Variants in NTM observed in about 807,000 individuals in gnomAD.
NTM encodes the protein neurotrimin.
A neutral mutation model predicts 42.1 loss-of-function variants in NTM; 13 were observed. The ratio of observed to expected loss-of-function variants is 0.31; its 90% CI spans 0.20 to 0.49. The LOEUF (loss-of-function observed/expected upper bound fraction) is 0.49, where lower values mean the gene tolerates loss of function less well. NTM is among the 20% of genes least tolerant of loss of function. The pLI is 0.99. For synonymous variants in NTM, 187 were observed against 179.2 expected (o/e 1.04, Z -0.35); for missense variants, 373 against 452.8 (o/e 0.82, Z 1.60).
chr11:132,316,198 A>G (rs752513509), intron 7 of NTM, among the ~76,000 whole-genome samples: 3 of 146,754 alleles, frequency 2.0e-5, no homozygotes, highest in Non-Finnish European at 3.0e-5. Context: ...ATGATTGTAT[A>G]CTTCCCCGGC....
intron 1 of NTM, among the ~76,000 whole-genome samples, chr11:131,447,875 C>T (rs1010465082): frequency 1.3e-5 from 2 of 152,202 alleles, no homozygotes; most frequent in Non-Finnish European, 2.9e-5. Context: ...TGAGGGCTCC[C>T]GTTTGGGGCA....
At chr11:131,795,857 G>T (rs1370447067) in intron 1 of NTM, 1 of 985,084 alleles carries the variant, frequency 1.0e-6, no homozygotes, top group African/African-American at 1.7e-5. Flanking sequence ...TGCACAGGGT[G>T]CTCCTGAACC....
At chr11:132,070,747 G>C (rs976427674) in intron 2 of NTM, among the ~76,000 whole-genome samples, 23 of 143,374 alleles carry the variant, frequency 1.6e-4, no homozygotes, top group Middle Eastern at 3.8e-3. Flanking sequence ...ACGTCAAACT[G>C]ACCGTCACAG....
intron 2 of NTM, among the ~76,000 whole-genome samples, chr11:132,054,806 C>G (rs1429796660): frequency 6.6e-6 from 1 of 152,144 alleles, no homozygotes; most frequent in Admixed American, 6.5e-5. Context: ...AAAGCTAACC[C>G]AAGTATCCAT....
chr11:132,033,472 G>T (rs2076163844), intron 2 of NTM, among the ~76,000 whole-genome samples: 1 of 152,172 alleles, frequency 6.6e-6, no homozygotes, highest in Admixed American at 6.5e-5. Context: ...TTGATCCTGT[G>T]GCCACTGTAA....
intron 2 of NTM, among the ~76,000 whole-genome samples, chr11:131,962,791 C>T (rs570349812): frequency 6.6e-6 from 1 of 152,126 alleles, no homozygotes; most frequent in South Asian, 2.1e-4. Flanking sequence ...CAGGTTGCCA[C>T]CCCATTTTCA....
chr11:131,948,219 G>A (rs1364534456), intron 2 of NTM, among the ~76,000 whole-genome samples: 1 of 151,872 alleles, frequency 6.6e-6, no homozygotes, highest in East Asian at 1.9e-4. Context: ...AAAAAAATTA[G>A]CCAGGCGTGG....
chr11:132,017,619 G>A (rs944920194), intron 2 of NTM, among the ~76,000 whole-genome samples: 1 of 151,828 alleles, frequency 6.6e-6, no homozygotes, highest in Non-Finnish European at 1.5e-5. Flanking sequence ...GTTTTCTTTT[G>A]TTTTAGTTTT....
At chr11:132,149,413 A>C (rs868195849) in intron 3 of NTM, among the ~76,000 whole-genome samples, 1 of 152,160 alleles carries the variant, frequency 6.6e-6, no homozygotes, top group Non-Finnish European at 1.5e-5. Context: ...ATCCTTTAAA[A>C]AAAGAAATAA....
chr11:131,451,310 A>T lies in NTM; in HGVS notation c.82+80422A>T, dbSNP rs186546384. ...ATATGCACAAAAGAGAACTGTATAG[A>T]TGAGTATTTTCTCTGGATATTTTAA... On this transcript the variant is annotated intron_variant, in intron 1 of 8. Coordinates refer to ENST00000683400, the MANE Select transcript of NTM (RefSeq NM_001352005.2). Among the ~76,000 whole-genome samples the T allele has an allele frequency of 5.7e-4, 87 of 152,332 alleles. 2 individuals are homozygous for T. The highest frequency in any genetic ancestry group is 5.7e-3 in the Admixed American group (87 of 15,300).
intron 1 of NTM, among the ~76,000 whole-genome samples, chr11:131,575,594 A>G (rs1404978659): frequency 6.6e-6 from 1 of 152,200 alleles, no homozygotes; most frequent in Non-Finnish European, 1.5e-5. Flanking sequence ...GAGATGACCG[A>G]ATGGGAATCT....
Position 131,444,680 on chromosome 11 carries a change from G to A in NTM, c.82+73792G>A, listed in dbSNP as rs550123886. Reference sequence around the variant, plus strand: ...GAGCCTTAAGAAGTGTGGTTGTGGGGGGTGTGGCACAGAACATTTAGGTTA... The same window carrying A: ...GAGCCTTAAGAAGTGTGGTTGTGGGAGGTGTGGCACAGAACATTTAGGTTA... On this transcript the variant is annotated intron_variant, in intron 1 of 8. Coordinates refer to ENST00000683400, the MANE Select transcript of NTM (RefSeq NM_001352005.2). Among the ~76,000 whole-genome samples the A allele has an allele frequency of 7.2e-5, 11 of 152,270 alleles. No individual in the cohort carries two copies. The South Asian group carries it at 2.3e-3, about 32-fold the overall frequency.
chr11:131,459,553 G>A (rs984299055), intron 1 of NTM, among the ~76,000 whole-genome samples: 5 of 152,258 alleles, frequency 3.3e-5, no homozygotes, highest in South Asian at 4.2e-4. Context: ...AAGGAAAACC[G>A]CATTCACTGG....
intron 2 of NTM, among the ~76,000 whole-genome samples, chr11:131,978,005 C>T (rs111265260): frequency 0.018 from 2,666 of 152,224 alleles, 30 homozygotes; most frequent in Non-Finnish European, 0.026. Flanking sequence ...CCAAGGGGGA[C>T]GCCCTTCTGC....
Position 131,486,723 on chromosome 11 carries a change from C to G in NTM, c.82+115835C>G, listed in dbSNP as rs114561864. Among the ~76,000 whole-genome samples the G allele has an allele frequency of 8.0e-3, 1,212 of 152,276 alleles. 15 individuals are homozygous for G. The highest frequency in any genetic ancestry group is 0.028 in the African/African-American group (1,165 of 41,568). On this transcript the variant is annotated intron_variant, in intron 1 of 8. Transcript: ENST00000683400. ...TCCCATCACCCTGGCAGCCTGTCACCTTCTTCCTTTCCTTCTTTTCCTTTC... is the reference window on the plus strand; with the variant it reads ...TCCCATCACCCTGGCAGCCTGTCACGTTCTTCCTTTCCTTCTTTTCCTTTC...
In NTM at chr11:132,041,227, TAGATAG is replaced by T. The variant is rs1409694024; in HGVS notation, c.168-105051_168-105046del. Reference sequence around the variant, plus strand: ...TGTGTGTGTGAGAGAGAGAGAGAGATAGATAGAGAGAGAGAGAGAGAGAGAGAGAGA... The same window carrying T: ...TGTGTGTGTGAGAGAGAGAGAGAGATAGAGAGAGAGAGAGAGAGAGAGAGA... On this transcript the variant is annotated intron_variant, in intron 2 of 8. Coordinates refer to ENST00000683400, the MANE Select transcript of NTM (RefSeq NM_001352005.2). Among the ~76,000 whole-genome samples, 497 of 95,058 alleles carry T rather than the reference TAGATAG, an allele frequency of 5.2e-3. 2 individuals are homozygous for T. Among genetic ancestry groups the T allele is most frequent in the African/African-American group, 0.015 (384 of 26,182 alleles). The allele number at this position is 95,058 out of a possible 152,430, so 62.4% of individuals were successfully genotyped here.
At chr11:131,879,770 C>T (rs2049177751) in intron 1 of NTM, among the ~76,000 whole-genome samples, 1 of 152,148 alleles carries the variant, frequency 6.6e-6, no homozygotes, top group Non-Finnish European at 1.5e-5. Context: ...CAAGCTGTGG[C>T]TCTTCTCTTG....
intron 1 of NTM, among the ~76,000 whole-genome samples, chr11:131,744,869 G>A (rs2081612045): frequency 6.6e-6 from 1 of 152,276 alleles, no homozygotes; most frequent in East Asian, 1.9e-4. Flanking sequence ...TGTCAGTGCA[G>A]CGTTCGTATC....
At chr11:131,880,749 C>G (rs1433517265) in intron 1 of NTM, among the ~76,000 whole-genome samples, 1 of 152,142 alleles carries the variant, frequency 6.6e-6, no homozygotes, top group Non-Finnish European at 1.5e-5. Context: ...GAAACAAATT[C>G]CTCTGGTTCA....
Sources: allele counts gnomAD v4.1 joint callset (sites outside exome capture counted in the v4.1 genomes callset), GRCh38; gene constraint gnomAD v4.1.1; transcripts MANE v1.5; gene names NCBI Gene and HGNC (gene_info 2026-07-23, HGNC 2026-07-21).